AKR1E2: variants seen among roughly 807,000 people sequenced by gnomAD.
AKR1E2 encodes 1,5-anhydro-D-fructose reductase.
Under a neutral mutation model 41.9 loss-of-function variants are expected in AKR1E2, and 43 were observed. The observed-to-expected ratio is 1.03, with a 90% CI of 0.80 to 1.32. AKR1E2 has a LOEUF of 1.32. Ranked by LOEUF, AKR1E2 falls within the 40% of genes most tolerant of loss-of-function variation. The pLI, the probability that AKR1E2 is intolerant of heterozygous loss-of-function variation, is 0.00. For synonymous variants in AKR1E2, 121 were observed against 138.9 expected (o/e 0.87, Z 0.91); for missense variants, 423 against 396.5 (o/e 1.07, Z -0.57).
rs73612329 is a variant in AKR1E2, at chr10:4,844,409, C to T, written c.837+1905C>T. On this transcript the variant is annotated intron_variant, in intron 8 of 9. Transcript: ENST00000298375. ...CAGCAGCAAGATCTATTGCAAAGAC[C>T]GAAACAACAAAGCTTCCGCAGTGTG... is the stretch of plus-strand genomic sequence containing the variant. Among the ~76,000 whole-genome samples, 306 of 152,262 alleles carry T rather than the reference C, an allele frequency of 2.0e-3. 3 individuals carry two copies. The highest frequency in any genetic ancestry group is 6.9e-3 in the African/African-American group (288 of 41,540).
At chr10:4,827,000 C>G (rs1832576889) in intron 1 of AKR1E2, among the ~76,000 whole-genome samples, 1 of 147,960 alleles carries the variant, frequency 6.8e-6, no homozygotes, top group Admixed American at 6.9e-5. Context: ...CACTGGAGAC[C>G]AGGAAGTCGA....
the AKR1E2 span, among the ~76,000 whole-genome samples, chr10:4,857,699 A>T: frequency 1.3e-5 from 2 of 152,218 alleles, no homozygotes; most frequent in African/African-American, 2.4e-5. Flanking sequence ...AAAAATTTTT[A>T]AAAAGATTCA....
rs1446731516 is a variant in AKR1E2 at position 4,841,819 on chromosome 10, A to G, written c.715A>G (p.Lys239Glu). 2 of 1,613,374 alleles carry G rather than the reference A, an allele frequency of 1.2e-6. No homozygotes were observed. Among genetic ancestry groups the G allele is most frequent in the Admixed American group, 1.7e-5 (1 of 59,936 alleles). ...GVDLIDNPVI[K>E]RIAKEHGKSP... ...TGACCTGATAGACAACCCTGTGATC[A>G]AGAGGATTGCAAAGGAGCACGGCAA... Residue 239 changes from lysine to glutamate, a missense_variant, in exon 7 of 10, where the codon AAG becomes GAG. Coordinates refer to ENST00000298375, the MANE Select transcript of AKR1E2 (RefSeq NM_001040177.3).
rs564566156 is a variant in AKR1E2 at position 4,835,711 on chromosome 10, C to T, written c.361C>T (p.Leu121Phe). 7 of 1,614,164 alleles carry T rather than the reference C, an allele frequency of 4.3e-6. No homozygotes were observed. In the Admixed American group the frequency reaches 5.0e-5, roughly 12 times the overall value. Residue 121 changes from leucine to phenylalanine, a missense_variant, in exon 4 of 10, where the codon CTT becomes TTT. By Grantham distance (22) the Leu-to-Phe change is conservative. Coordinates refer to ENST00000298375, the MANE Select transcript of AKR1E2 (RefSeq NM_001040177.3). ...AGAATGGATCATGAGCTGCAGTGAACTTTCCTTCTGCCTCTCACATCCTCG... is the reference window on the plus strand; with the variant it reads ...AGAATGGATCATGAGCTGCAGTGAATTTTCCTTCTGCCTCTCACATCCTCG... The part of the protein sequence containing the change: ...HPEWIMSCSE[L>F]SFCLSHPRVQ...
chr10:4,862,539 G>C, the AKR1E2 span, among the ~76,000 whole-genome samples: 96 of 152,234 alleles, frequency 6.3e-4, no homozygotes, highest in African/African-American at 2.3e-3. Context: ...CCATTTTCAC[G>C]ATATTGATTC....
intron 8 of AKR1E2, among the ~76,000 whole-genome samples, chr10:4,844,073 T>G (rs1041308199): frequency 6.6e-6 from 1 of 152,228 alleles, no homozygotes; most frequent in African/African-American, 2.4e-5. Flanking sequence ...TTGGTCTCAC[T>G]GACTTCAGGA....
chr10:4,826,961 A>C (rs1832573854), intron 1 of AKR1E2, among the ~76,000 whole-genome samples: 2 of 151,724 alleles, frequency 1.3e-5, no homozygotes, highest in African/African-American at 4.8e-5. Context: ...CTGTGGTCCC[A>C]GCTACTCAGG....
chr10:4,830,684 G>C lies in AKR1E2; in HGVS notation c.49G>C (p.Gly17Arg). 6.2e-7 allele frequency: 1 copy of C among 1,614,004 alleles called. No homozygotes were observed. Among genetic ancestry groups the C allele is most frequent in the Non-Finnish European group, 8.5e-7 (1 of 1,179,938 alleles). ...TTTGTTGGTTTTGCAGGCTTCTCCA[G>C]GGAAAGTGACCGAGGCAGTGAAAGA... ...VGLSSWKASP[G>R]KVTEAVKEAI... Residue 17 changes from glycine to arginine, a missense_variant, in exon 2 of 10, where the codon GGG becomes CGG. By Grantham distance (125) the Gly-to-Arg change is moderately radical (BLOSUM62 -2). Coordinates refer to ENST00000298375, the MANE Select transcript of AKR1E2 (RefSeq NM_001040177.3).
intron 5 of AKR1E2, 44 bp downstream of exon 5, chr10:4,837,625 TC>T: frequency 6.3e-7 from 1 of 1,587,782 alleles, no homozygotes; most frequent in Non-Finnish European, 8.6e-7. Flanking sequence ...GTGTGGCTGG[TC>T]CCCCAGCTGC....
At chr10:4,856,988 C>T in the AKR1E2 span, among the ~76,000 whole-genome samples, 1 of 152,124 alleles carries the variant, frequency 6.6e-6, no homozygotes, top group South Asian at 2.1e-4. Context: ...ACTTATTAAA[C>T]AATAACTCCC....
chr10:4,866,957 G>T, the AKR1E2 span, among the ~76,000 whole-genome samples: 1 of 151,876 alleles, frequency 6.6e-6, no homozygotes, highest in African/African-American at 2.4e-5. Context: ...AGCAGTTTAC[G>T]GAGGGTCAGA....
rs529170595 is a variant in AKR1E2 at position 4,838,320 on chromosome 10, C to T, written c.582+739C>T. On this transcript the variant is annotated intron_variant, in intron 5 of 9. Coordinates refer to ENST00000298375, the MANE Select transcript of AKR1E2 (RefSeq NM_001040177.3). ...TAAAATAATAATGCAACATAAACCC[C>T]TCTGTGCTCGCCTCTTTCACACAGC... 3.9e-4 allele frequency among the ~76,000 whole-genome samples: 60 copies of T among 152,284 alleles called. 2 individuals are homozygous for T. The South Asian group carries it at 0.012, about 32-fold the overall frequency.
In AKR1E2 at chr10:4,835,811, T is replaced by G; in HGVS notation, c.459+2T>G. On this transcript the variant is annotated splice_donor_variant, in intron 4 of 9. Transcript: ENST00000298375. LOFTEE classifies it high-confidence loss of function. ...ACGGACTTCCTGGACACGTGGGAGG[T>G]GAGCTGAGCCACACCACCAGGCAGC... 6.2e-7 allele frequency: 1 copy of G among 1,613,408 alleles called. No individual in the cohort carries two copies. Among genetic ancestry groups the G allele is most frequent in the Admixed American group, 1.7e-5 (1 of 59,970 alleles).
chr10:4,867,586 T>G, the AKR1E2 span, among the ~76,000 whole-genome samples: 1 of 152,252 alleles, frequency 6.6e-6, no homozygotes, highest in Admixed American at 6.5e-5. Flanking sequence ...CACAATTACC[T>G]TGCCATTCAG....
intron 6 of AKR1E2, among the ~76,000 whole-genome samples, chr10:4,840,452 C>T (rs1342425978): frequency 6.6e-6 from 1 of 152,204 alleles, no homozygotes; most frequent in Non-Finnish European, 1.5e-5. Context: ...CTCCCTGGCC[C>T]ACTCCATTCC....
At chr10:4,825,654 C>T (rs573416311), upstream of AKR1E2, among the ~76,000 whole-genome samples, 35 of 152,322 alleles carry the variant, frequency 2.3e-4, no homozygotes, top group South Asian at 6.8e-3. Context: ...GGAACCAAGG[C>T]CAGGCACGCT....
At chr10:4,870,693 T>C in the AKR1E2 span, among the ~76,000 whole-genome samples, 5 of 152,058 alleles carry the variant, frequency 3.3e-5, no homozygotes, top group Admixed American at 3.3e-4. Context: ...CATTTTTCTC[T>C]TGCTTTTTCA....
upstream of AKR1E2, chr10:4,825,147 A>G (rs1004628842): frequency 5.5e-6 from 2 of 361,526 alleles, no homozygotes; most frequent in Non-Finnish European, 1.2e-5. Flanking sequence ...CAGGAGATGC[A>G]AGTTGGGTGG....
At chr10:4,872,284 T>C in the AKR1E2 span, among the ~76,000 whole-genome samples, 1 of 152,326 alleles carries the variant, frequency 6.6e-6, no homozygotes, top group South Asian at 2.1e-4. Flanking sequence ...CTTAGTCTGA[T>C]TTAATATATA....
Sources: allele counts gnomAD v4.1 joint callset (sites outside exome capture counted in the v4.1 genomes callset), GRCh38; gene constraint gnomAD v4.1.1; transcripts MANE v1.5; gene names NCBI Gene and HGNC (gene_info 2026-07-23, HGNC 2026-07-21).